BCL2: variants seen among roughly 807,000 people sequenced by gnomAD.
The protein encoded by BCL2 is BCL2 apoptosis regulator.
In BCL2, 1 loss-of-function variant was observed where a neutral mutation model predicts 14.2. The observed-to-expected ratio is 0.07, with a 90% CI of 0.02 to 0.33. The LOEUF (loss-of-function observed/expected upper bound fraction) is 0.33, where lower values mean the gene tolerates loss of function less well. Ranked by LOEUF, BCL2 falls within the 10% of genes least tolerant of loss-of-function variation. The probability of loss-of-function intolerance (pLI) is 0.99; values close to 1 mark genes in which losing one functional copy is unlikely to be tolerated. For missense variants in BCL2, 247 were observed against 305.9 expected (o/e 0.81, Z 1.44); for synonymous variants, 151 against 137.2 (o/e 1.10, Z -0.70).
At position 63,303,717 on chromosome 18, in the gene BCL2, A is replaced by C. The variant is rs1913035076; in HGVS notation, c.585+14365T>G. ...GAGGTTAAATAATCTCCTATCCCTA[A>C]AAGTGTTAAATCCAGGGTCTGGCAC... is the stretch of plus-strand genomic sequence containing the variant. On this transcript the variant is annotated intron_variant, in intron 2 of 2. Coordinates refer to ENST00000333681, the MANE Select transcript of BCL2 (RefSeq NM_000633.3). Among the ~76,000 whole-genome samples the C allele has an allele frequency of 2.6e-5, 4 of 152,174 alleles. No individual in the cohort carries two copies. In the South Asian group the frequency reaches 6.2e-4, roughly 24 times the overall value.
chr18:63,140,482 A>G (rs1457893057), intron 2 of BCL2, among the ~76,000 whole-genome samples: 1 of 152,278 alleles, frequency 6.6e-6, no homozygotes, highest in Non-Finnish European at 1.5e-5. Flanking sequence ...GGAGCGAAGC[A>G]TTGACACATG....
chr18:63,238,110 C>T (rs1367338678), intron 2 of BCL2, among the ~76,000 whole-genome samples: 3 of 152,202 alleles, frequency 2.0e-5, no homozygotes, highest in African/African-American at 7.2e-5. Context: ...TTACTCCACA[C>T]AACTTTTACT....
At chr18:63,296,742 A>G (rs538347457) in intron 2 of BCL2, among the ~76,000 whole-genome samples, 9 of 152,378 alleles carry the variant, frequency 5.9e-5, no homozygotes, top group African/African-American at 2.2e-4. Flanking sequence ...AATGGGAGCC[A>G]CAAGAACATG....
At chr18:63,285,143 C>T (rs1912434276) in intron 2 of BCL2, among the ~76,000 whole-genome samples, 1 of 152,218 alleles carries the variant, frequency 6.6e-6, no homozygotes, top group African/African-American at 2.4e-5. Flanking sequence ...TCACACGCAG[C>T]AGCTGGAGAG....
intron 2 of BCL2, among the ~76,000 whole-genome samples, chr18:63,239,148 G>C (rs1308316002): frequency 2.0e-5 from 3 of 152,136 alleles, no homozygotes; most frequent in African/African-American, 7.2e-5. Context: ...TATGCTTTCG[G>C]CTGGTAAAAC....
At chr18:63,263,821 G>C (rs566643064) in intron 2 of BCL2, among the ~76,000 whole-genome samples, 11 of 152,274 alleles carry the variant, frequency 7.2e-5, no homozygotes, top group African/African-American at 2.6e-4. Context: ...CCTACCTTCT[G>C]GACTGCTGCA....
rs564418021 is a variant in BCL2 at position 63,315,876 on chromosome 18, C to T, written c.585+2206G>A. 5.3e-5 allele frequency: 8 copies of T among 152,150 alleles called. No homozygotes were observed. The East Asian group carries it at 1.5e-3, about 29-fold the overall frequency. 9.4% of individuals were successfully genotyped at this position (152,150 alleles called of 1,614,324 possible). On this transcript the variant is annotated intron_variant, in intron 2 of 2. Transcript: ENST00000333681. ...TTCCTGGTATATATATATATTTTTTCTCTAAATTCCTTTGTTTTCCTATAT... is the reference window on the plus strand; with the variant it reads ...TTCCTGGTATATATATATATTTTTTTTCTAAATTCCTTTGTTTTCCTATAT...
intron 2 of BCL2, among the ~76,000 whole-genome samples, chr18:63,197,591 G>C (rs116159441): frequency 1.3e-5 from 2 of 151,978 alleles, no homozygotes; most frequent in African/African-American, 2.4e-5. Flanking sequence ...CCATGTCCAC[G>C]TCTGCTCAAT....
chr18:63,142,400 A>G (rs1344224885), intron 2 of BCL2, among the ~76,000 whole-genome samples: 1 of 152,210 alleles, frequency 6.6e-6, no homozygotes. Context: ...AGCTCCAGGG[A>G]GCCCTGATGA....
In BCL2 at chr18:63,219,451, CTTTT is replaced by C. The variant is rs11289698; in HGVS notation, c.586-90696_586-90693del. Among the ~76,000 whole-genome samples the C allele has an allele frequency of 4.6e-5, 5 of 109,782 alleles. No individual in the cohort carries two copies. The South Asian group carries it at 1.2e-3, about 26-fold the overall frequency. 72.0% of individuals were successfully genotyped at this position (109,782 alleles called of 152,430 possible). ...ACACCATGTATCAACCACAGCAGAA[CTTTT>C]TTTTTTTTTTTTTTTTTTTGAGACG... On this transcript the variant is annotated intron_variant, in intron 2 of 2. Coordinates refer to ENST00000333681, the MANE Select transcript of BCL2 (RefSeq NM_000633.3).
At chr18:63,304,495 G>A (rs1913062825) in intron 2 of BCL2, among the ~76,000 whole-genome samples, 1 of 152,164 alleles carries the variant, frequency 6.6e-6, no homozygotes, top group South Asian at 2.1e-4. Context: ...AGGAGATAGT[G>A]TCTCAGTCAA....
chr18:63,179,836 T>C (rs1568225893), intron 2 of BCL2, among the ~76,000 whole-genome samples: 1 of 152,200 alleles, frequency 6.6e-6, no homozygotes, highest in Non-Finnish European at 1.5e-5. Context: ...TGCCAGGTAT[T>C]ATAGTGTTTA....
intron 2 of BCL2, among the ~76,000 whole-genome samples, chr18:63,255,266 G>T (rs1300689160): frequency 6.6e-6 from 1 of 152,096 alleles, no homozygotes; most frequent in African/African-American, 2.4e-5. Context: ...CAATAAAATG[G>T]GATGACAGTG....
intron 2 of BCL2, among the ~76,000 whole-genome samples, chr18:63,221,785 G>A (rs1407549864): frequency 2.0e-5 from 3 of 152,214 alleles, no homozygotes; most frequent in Non-Finnish European, 4.4e-5. Flanking sequence ...ACACCTTTGG[G>A]AAATCAGAAC....
chr18:63,224,889 G>A (rs529751661), intron 2 of BCL2, among the ~76,000 whole-genome samples: 18 of 152,170 alleles, frequency 1.2e-4, no homozygotes, highest in Admixed American at 4.6e-4. Flanking sequence ...CTCAAACAAT[G>A]GGGTAAAACA....
intron 2 of BCL2, among the ~76,000 whole-genome samples, chr18:63,285,516 A>T (rs114763567): frequency 7.9e-4 from 121 of 152,308 alleles, no homozygotes; most frequent in African/African-American, 2.5e-3. Context: ...CACCCTCCCC[A>T]CAATCTTGTG....
At chr18:63,141,917 C>A (rs974296377) in intron 2 of BCL2, among the ~76,000 whole-genome samples, 1 of 152,276 alleles carries the variant, frequency 6.6e-6, no homozygotes, top group Admixed American at 6.5e-5. Context: ...ATGGCCCAGG[C>A]TGCCTCCCTC....
chr18:63,199,568 A>AAC (rs1322938007), intron 2 of BCL2, among the ~76,000 whole-genome samples: 2 of 151,454 alleles, frequency 1.3e-5, no homozygotes, highest in African/African-American at 2.4e-5. Flanking sequence ...GATACCACAC[A>AAC]ACACACACAC....
rs1913951720 is a variant in BCL2 at position 63,127,863 on chromosome 18, T to C, written c.*762A>G. The C allele has an allele frequency of 4.4e-6, 1 of 224,868 alleles. No homozygotes were observed. Among genetic ancestry groups the C allele is most frequent in the East Asian group, 6.4e-5 (1 of 15,588 alleles). 13.9% of individuals were successfully genotyped at this position (224,868 alleles called of 1,614,324 possible). A position where few individuals can be genotyped will look rare whatever the true frequency, so the allele number is the denominator to read the frequency against. On this transcript the variant is annotated 3_prime_UTR_variant, in exon 3 of 3. Coordinates refer to ENST00000333681, the MANE Select transcript of BCL2 (RefSeq NM_000633.3). ...GGGCTTAAGGTACTGGATGATATTG[T>C]ATAAATTGCTAAAATGCTTTTCTCG...
Sources: allele counts gnomAD v4.1 joint callset (sites outside exome capture counted in the v4.1 genomes callset), GRCh38; gene constraint gnomAD v4.1.1; transcripts MANE v1.5; gene names NCBI Gene and HGNC (gene_info 2026-07-23, HGNC 2026-07-21).